SLC24A2: variants seen among roughly 807,000 people sequenced by gnomAD.
SLC24A2 encodes sodium/potassium/calcium exchanger 2.
In SLC24A2, 36 loss-of-function variants were observed where a neutral mutation model predicts 62.0. That is an observed-to-expected ratio of 0.58 (90% CI 0.44 to 0.77). The LOEUF is 0.77. Among genes scored for constraint, SLC24A2 ranks in the 30% least tolerant of loss-of-function variants. The pLI is 0.00. For synonymous variants in SLC24A2, 358 were observed against 294.0 expected, an observed-to-expected ratio of 1.22 and a Z score of -2.23; for missense variants, 846 against 817.9, an observed-to-expected ratio of 1.03 and a Z score of -0.42.
At chr9:20,223,012 T>TA in the SLC24A2 span, among the ~76,000 whole-genome samples, 1 of 151,736 alleles carries the variant, frequency 6.6e-6, no homozygotes, top group Non-Finnish European at 1.5e-5. Flanking sequence ...ATCTAGGAAA[T>TA]AAAAAAGAGT....
the SLC24A2 span, among the ~76,000 whole-genome samples, chr9:19,798,659 T>C: frequency 6.6e-6 from 1 of 151,906 alleles, no homozygotes. Context: ...TTCCACTGAC[T>C]CTGTCACCTG....
the SLC24A2 span, among the ~76,000 whole-genome samples, chr9:20,117,059 G>C: frequency 6.6e-6 from 1 of 152,110 alleles, no homozygotes; most frequent in Non-Finnish European, 1.5e-5. Flanking sequence ...CATTTCATCT[G>C]GCAGGATTAG....
chr9:20,287,136 C>T, the SLC24A2 span, among the ~76,000 whole-genome samples: 1 of 152,284 alleles, frequency 6.6e-6, no homozygotes, highest in Non-Finnish European at 1.5e-5. Context: ...ACAACCAAAC[C>T]TGTATAAATA....
intron 7 of SLC24A2, among the ~76,000 whole-genome samples, chr9:19,556,642 G>T (rs369871779): frequency 1.3e-5 from 2 of 152,106 alleles, no homozygotes; most frequent in African/African-American, 2.4e-5. Context: ...TCTCTCCCCC[G>T]GCTCACTGTA....
chr9:20,025,569 A>T, the SLC24A2 span, among the ~76,000 whole-genome samples: 1 of 152,188 alleles, frequency 6.6e-6, no homozygotes, highest in Non-Finnish European at 1.5e-5. Context: ...GATTGCCCAC[A>T]CTTATTAATC....
the SLC24A2 span, among the ~76,000 whole-genome samples, chr9:19,831,810 AG>A: frequency 2.0e-5 from 3 of 152,254 alleles, no homozygotes; most frequent in East Asian, 5.8e-4. Context: ...AACCATTTAG[AG>A]CCAAGATATG....
At chr9:20,281,433 C>T in the SLC24A2 span, among the ~76,000 whole-genome samples, 15 of 152,134 alleles carry the variant, frequency 9.9e-5, no homozygotes, top group South Asian at 2.1e-4. Context: ...AGATCCAAAA[C>T]GGAACATTAC....
At chr9:20,303,267 G>C in the SLC24A2 span, among the ~76,000 whole-genome samples, 23 of 151,980 alleles carry the variant, frequency 1.5e-4, no homozygotes, top group African/African-American at 4.6e-4. Flanking sequence ...GCCTCCAAAG[G>C]GTACATCCCT....
intron 7 of SLC24A2, among the ~76,000 whole-genome samples, chr9:19,568,414 G>C (rs1301384848): frequency 1.3e-5 from 2 of 152,140 alleles, no homozygotes; most frequent in Admixed American, 1.3e-4. Context: ...CTCATACATG[G>C]TCTACCAATA....
intron 5 of SLC24A2, among the ~76,000 whole-genome samples, chr9:19,594,169 G>C (rs1486696361): frequency 6.6e-6 from 1 of 151,670 alleles, no homozygotes; most frequent in Non-Finnish European, 1.5e-5. Flanking sequence ...TTCCTCCCCT[G>C]TAGCCTGTCA....
the SLC24A2 span, among the ~76,000 whole-genome samples, chr9:20,045,272 G>T: frequency 6.6e-6 from 1 of 152,188 alleles, no homozygotes; most frequent in South Asian, 2.1e-4. Flanking sequence ...ACACAGAATT[G>T]CAAAAGAAGC....
chr9:20,063,612 T>G, the SLC24A2 span, among the ~76,000 whole-genome samples: 1 of 152,042 alleles, frequency 6.6e-6, no homozygotes, highest in African/African-American at 2.4e-5. Context: ...CTGCACATTG[T>G]GCACATGTAC....
intron 4 of SLC24A2, among the ~76,000 whole-genome samples, chr9:19,613,204 A>T (rs915632715): frequency 2.0e-5 from 3 of 152,162 alleles, no homozygotes; most frequent in African/African-American, 7.2e-5. Context: ...TTCACCCCTG[A>T]ATTTCTACTA....
intron 2 of SLC24A2, among the ~76,000 whole-genome samples, chr9:19,750,622 G>A (rs540969658): frequency 1.3e-5 from 2 of 152,034 alleles, no homozygotes; most frequent in Non-Finnish European, 2.9e-5. Context: ...TCTTTTCATC[G>A]ATATCTTTAT....
chr9:20,078,260 T>C, the SLC24A2 span, among the ~76,000 whole-genome samples: 1 of 152,092 alleles, frequency 6.6e-6, no homozygotes, highest in Non-Finnish European at 1.5e-5. Context: ...CATGAGCTTG[T>C]TTCTGTTGCT....
chr9:19,584,329 A>C (rs1343715866), intron 5 of SLC24A2, among the ~76,000 whole-genome samples: 1 of 152,128 alleles, frequency 6.6e-6, no homozygotes, highest in Non-Finnish European at 1.5e-5. Context: ...CAAACAAAAA[A>C]CAAAAAACCG....
chr9:20,047,084 C>T, the SLC24A2 span, among the ~76,000 whole-genome samples: 1 of 152,104 alleles, frequency 6.6e-6, no homozygotes, highest in Non-Finnish European at 1.5e-5. Context: ...TCAGCAATAG[C>T]CTATCAGCAC....
chr9:19,899,227 A>T, the SLC24A2 span, among the ~76,000 whole-genome samples: 1 of 152,226 alleles, frequency 6.6e-6, no homozygotes, highest in Admixed American at 6.5e-5. Context: ...GAGACTGGGA[A>T]AGTAAGAGAG....
chr9:20,081,268 C>G, the SLC24A2 span, among the ~76,000 whole-genome samples: 1 of 151,890 alleles, frequency 6.6e-6, no homozygotes, highest in Non-Finnish European at 1.5e-5. Flanking sequence ...GAAAATGTGG[C>G]ACATATACAC....
Sources: allele counts gnomAD v4.1 joint callset (sites outside exome capture counted in the v4.1 genomes callset), GRCh38; gene constraint gnomAD v4.1.1; transcripts MANE v1.5; gene names NCBI Gene and HGNC (gene_info 2026-07-23, HGNC 2026-07-21).